The following RADX variants were observed in gnomAD, a reference collection of about 807,000 sequenced individuals.
RADX encodes RPA1 related single stranded DNA binding protein, X-linked.
In RADX, 36 loss-of-function variants were observed where a neutral mutation model predicts 61.6. The observed-to-expected ratio is 0.58, with a 90% CI of 0.45 to 0.77. RADX has a LOEUF of 0.77. RADX is among the 30% of genes least tolerant of loss of function. The probability of loss-of-function intolerance (pLI) is 0.00; values close to 1 mark genes in which losing one functional copy is unlikely to be tolerated. For missense variants in RADX, 497 were observed against 651.1 expected, an observed-to-expected ratio of 0.76 and a Z score of 2.58; for synonymous variants, 272 against 237.9, an observed-to-expected ratio of 1.14 and a Z score of -1.32.
chrX:106,662,786 T>C (rs1427096361), intron 12 of RADX, among the ~76,000 whole-genome samples: 1 of 109,304 alleles, frequency 9.1e-6, no homozygotes, highest in East Asian at 2.9e-4. Context: ...GTAACTGAGG[T>C]TGACTAGAAA....
At chrX:106,654,472 C>A (rs1015632054) in intron 11 of RADX, among the ~76,000 whole-genome samples, 2 of 111,109 alleles carry the variant, frequency 1.8e-5, no homozygotes, top group African/African-American at 6.5e-5. Context: ...ACCATCTGAT[C>A]TTTGACAAAC....
At chrX:106,677,808 G>A (rs1356000649) in intron 13 of RADX, among the ~76,000 whole-genome samples, 1 of 110,045 alleles carries the variant, frequency 9.1e-6, no homozygotes, top group Non-Finnish European at 1.9e-5. Flanking sequence ...CTATTTATTT[G>A]GAACCTTACA....
rs927322630 is a variant in RADX, at chrX:106,669,710, A to C, written c.2437+380A>C. Among the ~76,000 whole-genome samples, 64 of 111,611 alleles carry C rather than the reference A, an allele frequency of 5.7e-4. 1 individual carries two copies. Among genetic ancestry groups the C allele is most frequent in the African/African-American group, 1.7e-3 (51 of 30,778 alleles). Reference sequence around the variant, plus strand: ...TGAAATTACAATAACTCTATAGTATAATACAGTAAAATTATTCTCTCTTAT... The same window carrying C: ...TGAAATTACAATAACTCTATAGTATCATACAGTAAAATTATTCTCTCTTAT... On this transcript the variant is annotated intron_variant, in intron 13 of 13. Transcript: ENST00000372548.
intron 8 of RADX, 21 bp downstream of exon 8, chrX:106,637,945 CCTT>C (rs1441778471): frequency 4.4e-6 from 5 of 1,136,746 alleles, no homozygotes; most frequent in South Asian, 1.8e-5. Flanking sequence ...AATTGCCAGT[CCTT>C]CTAAATATGT....
intron 11 of RADX, among the ~76,000 whole-genome samples, chrX:106,648,679 G>A (rs1396297794): frequency 9.0e-6 from 1 of 110,886 alleles, no homozygotes; most frequent in African/African-American, 3.3e-5. Context: ...ATTTTTAATT[G>A]ACAACAAATA....
intron 12 of RADX, among the ~76,000 whole-genome samples, chrX:106,664,307 C>T (rs4387096): frequency 0.015 from 1,642 of 109,493 alleles, 32 homozygotes; most frequent in African/African-American, 0.052. Flanking sequence ...TAGTCTTACC[C>T]TTGGCTAGGT....
At chrX:106,649,529 T>C (rs1285579459) in intron 11 of RADX, among the ~76,000 whole-genome samples, 1 of 111,977 alleles carries the variant, frequency 8.9e-6, no homozygotes, top group Non-Finnish European at 1.9e-5. Context: ...ATATGGTACT[T>C]CTCACAATTA....
intron 1 of RADX, among the ~76,000 whole-genome samples, chrX:106,621,292 CATAATT>C (rs1485669105): frequency 8.9e-6 from 1 of 112,065 alleles, no homozygotes; most frequent in Non-Finnish European, 1.9e-5. Flanking sequence ...ATAGTATAGA[CATAATT>C]ATATAATACC....
At position 106,679,337 on chromosome X, in the gene RADX, A is replaced by T. The variant is rs1928590555; in HGVS notation, c.*1079A>T. ...CATACTGCAGTTTGTTCATAAATGT[A>T]TTCAGTCTTTTATTCTTTATAATTG... On this transcript the variant is annotated 3_prime_UTR_variant, in exon 14 of 14. Transcript: ENST00000372548. 8.9e-6 allele frequency: 1 copy of T among 112,267 alleles called. No homozygotes were observed. The highest frequency in any genetic ancestry group is 3.2e-5 in the African/African-American group (1 of 30,939). The allele number at this position is 112,267 out of a possible 1,213,427, so 9.3% of individuals were successfully genotyped here.
intron 2 of RADX, among the ~76,000 whole-genome samples, chrX:106,623,732 A>T (rs2147613882): frequency 9.0e-6 from 1 of 111,454 alleles, no homozygotes; most frequent in South Asian, 3.8e-4. Context: ...ACATTACATT[A>T]TTTTACAAAA....
At chrX:106,667,633 A>C (rs1461164892) in intron 12 of RADX, among the ~76,000 whole-genome samples, 3 of 111,504 alleles carry the variant, frequency 2.7e-5, no homozygotes, top group Admixed American at 9.5e-5. Flanking sequence ...CCAGAACTCT[A>C]GTTTTAATCA....
chrX:106,659,889 G>A (rs1218289084), intron 11 of RADX, among the ~76,000 whole-genome samples: 1 of 111,946 alleles, frequency 8.9e-6, no homozygotes, highest in Non-Finnish European at 1.9e-5. Flanking sequence ...AAGAAAATAT[G>A]CATAGAAAAT....
intron 12 of RADX, among the ~76,000 whole-genome samples, chrX:106,662,929 T>G (rs1346167769): frequency 1.8e-5 from 2 of 110,408 alleles, no homozygotes; most frequent in Non-Finnish European, 3.8e-5. Context: ...ACTTAGTTTT[T>G]TTTTTTTGTT....
At chrX:106,642,145 A>G (rs1371965880) in intron 10 of RADX, among the ~76,000 whole-genome samples, 2 of 110,864 alleles carry the variant, frequency 1.8e-5, no homozygotes, top group East Asian at 5.7e-4. Context: ...AGGTATATAT[A>G]TATTTATGGG....
At chrX:106,628,331 A>C (rs1288363410) in intron 3 of RADX, among the ~76,000 whole-genome samples, 1 of 112,282 alleles carries the variant, frequency 8.9e-6, no homozygotes, top group Non-Finnish European at 1.9e-5. Flanking sequence ...AAAATGTAAT[A>C]GACAAAAAGG....
chrX:106,674,261 C>A (rs1351098518), intron 13 of RADX, among the ~76,000 whole-genome samples: 1 of 111,333 alleles, frequency 9.0e-6, no homozygotes, highest in Non-Finnish European at 1.9e-5. Flanking sequence ...CCTGCTCTGC[C>A]TCCAATCCCT....
chrX:106,642,376 G>A (rs748056735), intron 10 of RADX, among the ~76,000 whole-genome samples: 14 of 111,078 alleles, frequency 1.3e-4, no homozygotes, highest in Non-Finnish European at 2.5e-4. Flanking sequence ...ATTTGTACCC[G>A]TTAAACGTCT....
At chrX:106,675,956 A>G (rs1179915107) in intron 13 of RADX, among the ~76,000 whole-genome samples, 2 of 111,961 alleles carry the variant, frequency 1.8e-5, no homozygotes, top group African/African-American at 6.5e-5. Context: ...TGTAGGTACT[A>G]GATAAGCAAA....
At chrX:106,674,984 A>G (rs971822654) in intron 13 of RADX, among the ~76,000 whole-genome samples, 9 of 107,543 alleles carry the variant, frequency 8.4e-5, no homozygotes, top group Non-Finnish European at 1.7e-4. Context: ...AGATCTCACC[A>G]CTGCACTCCA....
Sources: gnomAD v4.1 joint callset for allele counts (sites outside exome capture counted in the v4.1 genomes callset) on GRCh38, gnomAD v4.1.1 for gene constraint, MANE v1.5 for transcripts, NCBI Gene and HGNC (gene_info 2026-07-23, HGNC 2026-07-21) for gene names.